The following DOCK3 variants were observed in gnomAD, a reference collection of about 807,000 sequenced individuals.
DOCK3 encodes dedicator of cytokinesis protein 3.
Under a neutral mutation model 265.6 loss-of-function variants are expected in DOCK3, and 60 were observed. The observed-to-expected ratio is 0.23, with a 90% CI of 0.18 to 0.28. The LOEUF (loss-of-function observed/expected upper bound fraction) is 0.28, where lower values mean the gene tolerates loss of function less well. Ranked by LOEUF, DOCK3 falls within the 10% of genes least tolerant of loss-of-function variation. The pLI is 1.00. For synonymous variants in DOCK3, 881 were observed against 938.0 expected (o/e 0.94, Z 1.11); for missense variants, 1,981 against 2,594.3 (o/e 0.76, Z 5.14).
chr3:50,869,284 C>A (rs961372911), intron 3 of DOCK3, among the ~76,000 whole-genome samples: 31 of 143,704 alleles, frequency 2.2e-4, no homozygotes, highest in Non-Finnish European at 3.5e-4. Context: ...AAAACCAACT[C>A]TTTTTTCATT....
chr3:50,742,884 C>A (rs2039153263), intron 1 of DOCK3, among the ~76,000 whole-genome samples: 1 of 152,050 alleles, frequency 6.6e-6, no homozygotes, highest in Non-Finnish European at 1.5e-5. Flanking sequence ...AACTCCAAGA[C>A]ACATAATTGT....
At chr3:50,808,258 C>G (rs1355670421) in intron 2 of DOCK3, among the ~76,000 whole-genome samples, 1 of 152,164 alleles carries the variant, frequency 6.6e-6, no homozygotes. Flanking sequence ...AATTGAAAGA[C>G]TATCATAAAG....
intron 12 of DOCK3, among the ~76,000 whole-genome samples, chr3:51,188,163 T>G (rs2087729165): frequency 6.6e-6 from 1 of 152,232 alleles, no homozygotes; most frequent in Non-Finnish European, 1.5e-5. Context: ...ATTTTCACTT[T>G]TTAAAATTTC....
chr3:51,009,602 TG>T lies in DOCK3; in HGVS notation c.316-54845del, dbSNP rs1171187554. 5.3e-5 allele frequency among the ~76,000 whole-genome samples: 8 copies of T among 152,196 alleles called. No homozygotes were observed. In the South Asian group the frequency reaches 8.3e-4, roughly 16 times the overall value. The stretch of plus-strand genomic sequence containing the variant: ...TTCATTGAATTTTTGAAGGGTTTTT[TG>T]TATCTCTATCTCCTTCAGTTCTGCT... On this transcript the variant is annotated intron_variant, in intron 5 of 52. Coordinates refer to ENST00000266037, the MANE Select transcript of DOCK3 (RefSeq NM_004947.5).
chr3:51,016,852 T>TAA lies in DOCK3; in HGVS notation c.316-47596_316-47595insAA, dbSNP rs1559946072. Among the ~76,000 whole-genome samples the TAA allele has an allele frequency of 9.0e-4, 2 of 2,232 alleles. 1 individual carries two copies. Among genetic ancestry groups the TAA allele is most frequent in the African/African-American group, 3.8e-3 (2 of 522 alleles). The allele number at this position is 2,232 out of a possible 152,430, so 1.5% of individuals were successfully genotyped here. ...TATATATGATATATGTTTATATATATCATATATAAATATATATGATATATG... is the reference window on the plus strand; with the variant it reads ...TATATATGATATATGTTTATATATATAACATATATAAATATATATGATATATG... On this transcript the variant is annotated intron_variant, in intron 5 of 52. Transcript: ENST00000266037.
In DOCK3 at chr3:50,711,012, C is replaced by G. The variant is rs113065976; in HGVS notation, c.37+35712C>G. On this transcript the variant is annotated intron_variant, in intron 1 of 52. Transcript: ENST00000266037. Reference sequence around the variant, plus strand: ...GACTTCACATTGGGCACCGCATACACTGGTCAGGTGATAGGTATACCAAAA... The same window carrying G: ...GACTTCACATTGGGCACCGCATACAGTGGTCAGGTGATAGGTATACCAAAA... Among the ~76,000 whole-genome samples, 426 of 152,278 alleles carry G rather than the reference C, an allele frequency of 2.8e-3. 3 individuals are homozygous for G. The highest frequency in any genetic ancestry group is 9.8e-3 in the African/African-American group (408 of 41,570).
chr3:51,222,682 G>GA (rs891039562), intron 14 of DOCK3, among the ~76,000 whole-genome samples: 1 of 152,166 alleles, frequency 6.6e-6, no homozygotes, highest in Non-Finnish European at 1.5e-5. Context: ...AAGACCTGAT[G>GA]AAAATAAACT....
At chr3:51,115,622 T>C (rs1156403713) in intron 9 of DOCK3, among the ~76,000 whole-genome samples, 1 of 152,244 alleles carries the variant, frequency 6.6e-6, no homozygotes, top group African/African-American at 2.4e-5. Flanking sequence ...TAGTTTCTTT[T>C]GCTGTGCAGA....
rs1204219578 is a variant in DOCK3, at chr3:51,246,767, C to G, written c.2144C>G (p.Ala715Gly). 1 of 1,613,464 alleles carries G rather than the reference C, an allele frequency of 6.2e-7. No individual in the cohort carries two copies. Among genetic ancestry groups the G allele is most frequent in the African/African-American group, 1.3e-5 (1 of 74,900 alleles). Reference sequence around the variant, plus strand: ...TTGAAGTGGTATATGGACTGCTCAGCAGAACTGATTCGACAGGACCACATT... The same window carrying G: ...TTGAAGTGGTATATGGACTGCTCAGGAGAACTGATTCGACAGGACCACATT... ...RCLKWYMDCS[A>G]ELIRQDHIQE... The change falls in exon 22 of 53, where the codon GCA (alanine) becomes GGA (glycine). Residue 715 changes from alanine to glycine, a missense_variant. This residue lies in a region of DOCK3 where 1,357 missense variants were observed against 1,866.8 expected (regional missense o/e 0.73). Coordinates refer to ENST00000266037, the MANE Select transcript of DOCK3 (RefSeq NM_004947.5).
rs1012579336 is a variant in DOCK3, at chr3:51,024,053, G to GT, written c.316-40387dup. ...TTTACTAGACTGTGTTTTCTTAATG[G>GT]TTTTTTTTACTTTAAGGGTCTGACT... On this transcript the variant is annotated intron_variant, in intron 5 of 52. Coordinates refer to ENST00000266037, the MANE Select transcript of DOCK3 (RefSeq NM_004947.5). 2.0e-5 allele frequency among the ~76,000 whole-genome samples: 3 copies of GT among 151,544 alleles called. No homozygotes were observed. In the East Asian group the frequency reaches 5.8e-4, roughly 29 times the overall value.
chr3:51,333,004 C>T lies in DOCK3; in HGVS notation c.3492C>T (p.Thr1164=). 1 of 1,613,972 alleles carries T rather than the reference C, an allele frequency of 6.2e-7. No homozygotes were observed. Among genetic ancestry groups the T allele is most frequent in the Admixed American group, 1.7e-5 (1 of 60,006 alleles). Residue 1164 remains threonine, a synonymous_variant, in exon 34 of 53, where the codon ACC becomes ACT. Coordinates refer to ENST00000266037, the MANE Select transcript of DOCK3 (RefSeq NM_004947.5). ...ESYRELFSLL[T]QLFGPYPSLL... is the part of the protein sequence containing the mutation. ...TGCTTTCTGCTGCATGGAGTAGAAC[C>T]CAGCTGTTTGGGCCCTACCCCAGGT...
intron 47 of DOCK3, among the ~76,000 whole-genome samples, 175 bp downstream of exon 47, chr3:51,360,807 G>T (rs1164947414): frequency 1.3e-5 from 2 of 152,186 alleles, no homozygotes; most frequent in African/African-American, 4.8e-5. Flanking sequence ...TCACTATCCT[G>T]GGTAAGAGAA....
chr3:51,152,579 G>C (rs2085654758), intron 10 of DOCK3, among the ~76,000 whole-genome samples: 1 of 152,082 alleles, frequency 6.6e-6, no homozygotes. Context: ...GAGGTGCTCT[G>C]GTTTTTAGAA....
chr3:51,312,289 T>C (rs982844781), intron 29 of DOCK3, among the ~76,000 whole-genome samples, 187 bp from the exon 30 acceptor site: 3 of 152,170 alleles, frequency 2.0e-5, no homozygotes, highest in Non-Finnish European at 4.4e-5. Flanking sequence ...ATCAACACAA[T>C]TGGCTTCAGA....
At chr3:50,775,981 G>A (rs1428451768) in intron 1 of DOCK3, among the ~76,000 whole-genome samples, 1 of 152,070 alleles carries the variant, frequency 6.6e-6, no homozygotes, top group Non-Finnish European at 1.5e-5. Flanking sequence ...TTATCCACTT[G>A]TTGGTCAGTG....
intron 27 of DOCK3, among the ~76,000 whole-genome samples, chr3:51,285,040 G>T (rs1361144278): frequency 6.6e-6 from 1 of 152,182 alleles, no homozygotes; most frequent in Non-Finnish European, 1.5e-5. Context: ...TTTAACATTT[G>T]CAGCTACATA....
Position 51,338,348 on chromosome 3 carries a change from C to A in DOCK3, c.3612-11C>A. On this transcript the variant is annotated splice_polypyrimidine_tract_variant and intron_variant, in intron 35 of 52. Coordinates refer to ENST00000266037, the MANE Select transcript of DOCK3 (RefSeq NM_004947.5). ...TTCATATCTGGTGCTCATCTGTGCTCTCTCTTCCAGGGACTGCATGAAAGG... is the reference window on the plus strand; with the variant it reads ...TTCATATCTGGTGCTCATCTGTGCTATCTCTTCCAGGGACTGCATGAAAGG... 1 of 1,551,634 alleles carries A rather than the reference C, an allele frequency of 6.4e-7. No homozygotes were observed. The highest frequency in any genetic ancestry group is 1.2e-5 in the South Asian group (1 of 84,048).
Position 50,753,981 on chromosome 3 carries a change from C to A in DOCK3, c.38-24694C>A, listed in dbSNP as rs549660495. On this transcript the variant is annotated intron_variant, in intron 1 of 52. Transcript: ENST00000266037. ...GACCAGCCTGGCCAACATAGTGAAA[C>A]CCCGTCTCTACTAAAAATACAAAAA... Among the ~76,000 whole-genome samples, 72 of 152,020 alleles carry A rather than the reference C, an allele frequency of 4.7e-4. 2 individuals are homozygous for A. In the South Asian group the frequency reaches 0.015, roughly 31 times the overall value.
chr3:50,924,572 G>A (rs1326087416), intron 4 of DOCK3, among the ~76,000 whole-genome samples: 1 of 152,192 alleles, frequency 6.6e-6, no homozygotes, highest in Non-Finnish European at 1.5e-5. Flanking sequence ...AAGCAGCCAG[G>A]GAAAGTAAGT....
Sources: allele counts gnomAD v4.1 joint callset (sites outside exome capture counted in the v4.1 genomes callset), GRCh38; gene constraint gnomAD v4.1.1; regional missense constraint gnomAD v4.1.1; transcripts MANE v1.5; gene names NCBI Gene and HGNC (gene_info 2026-07-23, HGNC 2026-07-21).